JAKMIP2: variants seen among roughly 807,000 people sequenced by gnomAD.
JAKMIP2 encodes the protein janus kinase and microtubule interacting protein 2.
In JAKMIP2, 25 loss-of-function variants were observed where a neutral mutation model predicts 115.0. That is an observed-to-expected ratio of 0.22 (90% CI 0.16 to 0.30). The LOEUF (loss-of-function observed/expected upper bound fraction) is 0.30, where lower values mean the gene tolerates loss of function less well. Among genes scored for constraint, JAKMIP2 ranks in the 10% least tolerant of loss-of-function variants. The pLI is 1.00. For missense variants in JAKMIP2, 642 were observed against 957.6 expected (o/e 0.67, Z 4.35); for synonymous variants, 334 against 343.6 (o/e 0.97, Z 0.31).
intron 1 of JAKMIP2, among the ~76,000 whole-genome samples, chr5:147,720,372 T>C (rs1753218319): frequency 6.7e-6 from 1 of 150,048 alleles, no homozygotes; most frequent in Non-Finnish European, 1.5e-5. Flanking sequence ...GTTCTCTGTA[T>C]TTCCTGAATC....
At chr5:147,758,932 G>T (rs1314741551) in intron 1 of JAKMIP2, among the ~76,000 whole-genome samples, 3 of 152,058 alleles carry the variant, frequency 2.0e-5, no homozygotes, top group Non-Finnish European at 4.4e-5. Flanking sequence ...ATACACTAAG[G>T]GACATTAGTC....
intron 20 of JAKMIP2, among the ~76,000 whole-genome samples, chr5:147,603,246 A>G (rs1280854662): frequency 6.6e-6 from 1 of 152,138 alleles, no homozygotes; most frequent in Admixed American, 6.5e-5. Context: ...AATTTCTTTG[A>G]GCCATTGTTT....
intron 1 of JAKMIP2, among the ~76,000 whole-genome samples, chr5:147,709,736 G>C (rs770935042): frequency 1.3e-5 from 2 of 152,088 alleles, no homozygotes; most frequent in Non-Finnish European, 2.9e-5. Flanking sequence ...TGTAATCCCA[G>C]CTACTCAGGA....
intron 1 of JAKMIP2, among the ~76,000 whole-genome samples, chr5:147,764,944 GAGGGA>G (rs1755080821): frequency 1.3e-5 from 1 of 75,338 alleles, no homozygotes; most frequent in Non-Finnish European, 2.3e-5. Context: ...GAGAGAGAGA[GAGGGA>G]GAGAGAGAGA....
At chr5:147,777,965 C>A (rs1348951598) in intron 1 of JAKMIP2, among the ~76,000 whole-genome samples, 1 of 152,076 alleles carries the variant, frequency 6.6e-6, no homozygotes, top group Non-Finnish European at 1.5e-5. Context: ...AACTGATGCA[C>A]ACTTATTTTA....
At chr5:147,686,088 T>C (rs1760555299) in intron 1 of JAKMIP2, among the ~76,000 whole-genome samples, 1 of 152,182 alleles carries the variant, frequency 6.6e-6, no homozygotes, top group Non-Finnish European at 1.5e-5. Context: ...AATGCAAACA[T>C]AGGGACCTTG....
intron 20 of JAKMIP2, among the ~76,000 whole-genome samples, chr5:147,604,180 G>T (rs1157765842): frequency 1.3e-5 from 2 of 152,178 alleles, no homozygotes; most frequent in Admixed American, 1.3e-4. Context: ...GAAATTTATT[G>T]TATGTTATTG....
intron 1 of JAKMIP2, among the ~76,000 whole-genome samples, chr5:147,719,947 T>G (rs1307551938): frequency 6.6e-6 from 1 of 152,212 alleles, no homozygotes; most frequent in African/African-American, 2.4e-5. Context: ...TGAGTCTTGA[T>G]GGTCTTTACA....
At chr5:147,633,189 C>T (rs1163322892) in intron 12 of JAKMIP2, among the ~76,000 whole-genome samples, 1 of 152,192 alleles carries the variant, frequency 6.6e-6, no homozygotes, top group African/African-American at 2.4e-5. Context: ...TCATCATACA[C>T]AAAACTTTGC....
rs116763468 is a variant in JAKMIP2, at chr5:147,652,235, G to A, written c.628-1688C>T. On this transcript the variant is annotated intron_variant, in intron 3 of 21. Coordinates refer to ENST00000616793, the MANE Select transcript of JAKMIP2 (RefSeq NM_001270941.2). Reference sequence around the variant, plus strand: ...AAACTTGGTCATAGTCATATGTCTAGTAAGTTGTGAAGCCGTATTTTTAAT... The same window carrying A: ...AAACTTGGTCATAGTCATATGTCTAATAAGTTGTGAAGCCGTATTTTTAAT... 6.2e-3 allele frequency among the ~76,000 whole-genome samples: 950 copies of A among 152,266 alleles called. 13 individuals are homozygous for A. Among genetic ancestry groups the A allele is most frequent in the African/African-American group, 0.022 (906 of 41,540 alleles).
chr5:147,625,470 C>T (rs1757053399), intron 16 of JAKMIP2, among the ~76,000 whole-genome samples: 1 of 152,142 alleles, frequency 6.6e-6, no homozygotes, highest in African/African-American at 2.4e-5. Flanking sequence ...ACATGGTTTC[C>T]CCTTGAAACA....
chr5:147,644,326 A>C, intron 6 of JAKMIP2, 128 bp from the exon 7 acceptor site: 1 of 683,554 alleles, frequency 1.5e-6, no homozygotes, highest in South Asian at 2.7e-5. Flanking sequence ...GCCTGAATAC[A>C]CATACACCAA....
intron 1 of JAKMIP2, among the ~76,000 whole-genome samples, chr5:147,729,132 G>A (rs10476888): frequency 0.018 from 2,723 of 152,242 alleles, 89 homozygotes; most frequent in African/African-American, 0.061. Context: ...GGGAAGGGAG[G>A]GAGGAATTTC....
chr5:147,626,356 T>G (rs1325488876), intron 16 of JAKMIP2, among the ~76,000 whole-genome samples: 1 of 152,166 alleles, frequency 6.6e-6, no homozygotes, highest in Non-Finnish European at 1.5e-5. Flanking sequence ...GCAAAAAAAG[T>G]AAGCAGAGGC....
intron 1 of JAKMIP2, among the ~76,000 whole-genome samples, chr5:147,682,342 C>T (rs1247238231): frequency 6.6e-6 from 1 of 152,136 alleles, no homozygotes; most frequent in Non-Finnish European, 1.5e-5. Context: ...ATCCACAAAT[C>T]AATGTGTAGT....
Position 147,671,957 on chromosome 5 carries a change from G to A in JAKMIP2, c.-148-3C>T, listed in dbSNP as rs1170492485. 9 of 1,302,456 alleles carry A rather than the reference G, an allele frequency of 6.9e-6. No individual in the cohort carries two copies. Among genetic ancestry groups the A allele is most frequent in the Non-Finnish European group, 8.8e-6 (9 of 1,021,714 alleles). The allele number at this position is 1,302,456 out of a possible 1,614,324, so 80.7% of individuals were successfully genotyped here. ...CCTCAATCGCTGCCCTGGAAGCCCTGAGAAGAGGCAGAGATAGTAGTTATT... is the reference window on the plus strand; with the variant it reads ...CCTCAATCGCTGCCCTGGAAGCCCTAAGAAGAGGCAGAGATAGTAGTTATT... On this transcript the variant is annotated splice_polypyrimidine_tract_variant and splice_region_variant and intron_variant, in intron 1 of 21. Coordinates refer to ENST00000616793, the MANE Select transcript of JAKMIP2 (RefSeq NM_001270941.2).
chr5:147,764,346 A>C (rs1389507815), intron 1 of JAKMIP2, among the ~76,000 whole-genome samples: 1 of 152,128 alleles, frequency 6.6e-6, no homozygotes, highest in African/African-American at 2.4e-5. Context: ...CAAGTATGAC[A>C]GGAATTCAGA....
chr5:147,610,795 C>T (rs572322720), intron 20 of JAKMIP2, among the ~76,000 whole-genome samples: 1 of 152,332 alleles, frequency 6.6e-6, no homozygotes, highest in East Asian at 1.9e-4. Context: ...CTGCCCCTTC[C>T]CCTAGGTGCT....
At chr5:147,764,894 G>GA (rs1191442588) in intron 1 of JAKMIP2, among the ~76,000 whole-genome samples, 3 of 35,380 alleles carry the variant, frequency 8.5e-5, no homozygotes, top group East Asian at 1.2e-3. Flanking sequence ...AAAAGGGAAA[G>GA]AAAGAAAGAA....
Sources: gnomAD v4.1 joint callset for allele counts (sites outside exome capture counted in the v4.1 genomes callset) on GRCh38, gnomAD v4.1.1 for gene constraint, MANE v1.5 for transcripts, NCBI Gene and HGNC (gene_info 2026-07-23, HGNC 2026-07-21) for gene names.